The following CAMTA1 variants were observed in gnomAD, a reference collection of about 807,000 sequenced individuals.
The protein encoded by CAMTA1 is calmodulin binding transcription activator 1, also known as calmodulin-binding transcription activator 1.
A neutral mutation model predicts 170.9 loss-of-function variants in CAMTA1; 27 were observed. The ratio of observed to expected loss-of-function variants is 0.16; its 90% confidence interval spans 0.12 to 0.22. The LOEUF is 0.22. CAMTA1 is among the 10% of genes least tolerant of loss of function. The pLI is 1.00. For missense variants in CAMTA1, 1,619 were observed against 2,217.2 expected (o/e 0.73, Z 5.42); for synonymous variants, 833 against 891.5 (o/e 0.93, Z 1.17).
intron 1 of CAMTA1, among the ~76,000 whole-genome samples, chr1:6,810,791 G>A (rs1181831677): frequency 6.6e-6 from 1 of 151,964 alleles, no homozygotes; most frequent in East Asian, 1.9e-4. Flanking sequence ...GTGACAGAGC[G>A]AGACTCCGTT....
At chr1:7,713,626 T>C (rs925780759) in intron 11 of CAMTA1, among the ~76,000 whole-genome samples, 1 of 152,204 alleles carries the variant, frequency 6.6e-6, no homozygotes, top group African/African-American at 2.4e-5. Context: ...TGTTTGCTGA[T>C]CAATAGCTCG....
chr1:7,441,381 A>T (rs1272509530), intron 5 of CAMTA1: 2 of 152,200 alleles, frequency 1.3e-5, no homozygotes, highest in Non-Finnish European at 2.9e-5. Context: ...TGTCTGCTGT[A>T]CGCACCGCCC....
intron 3 of CAMTA1, among the ~76,000 whole-genome samples, chr1:6,842,879 G>A (rs907187611): frequency 2.0e-5 from 3 of 151,686 alleles, no homozygotes; most frequent in East Asian, 1.9e-4. Flanking sequence ...AGCTGAGGTC[G>A]TGCCATTGCA....
At chr1:7,279,203 A>G (rs1671159822) in intron 5 of CAMTA1, among the ~76,000 whole-genome samples, 1 of 152,192 alleles carries the variant, frequency 6.6e-6, no homozygotes, top group African/African-American at 2.4e-5. Flanking sequence ...GGGGCCCATG[A>G]AAGCTTGTAA....
intron 5 of CAMTA1, among the ~76,000 whole-genome samples, chr1:7,398,181 CTCTCTCTCTCTCTATATATATATATATA>C (rs1371001666): frequency 2.9e-3 from 132 of 45,564 alleles, no homozygotes; most frequent in African/African-American, 0.011. Context: ...CTCTCTCTCT[CTCTCTCTCTCTCTATATATATATATATA>C]TATATATATA....
intron 4 of CAMTA1, among the ~76,000 whole-genome samples, chr1:7,123,307 C>A (rs142651567): frequency 3.8e-4 from 58 of 152,266 alleles, no homozygotes; most frequent in African/African-American, 1.4e-3. Context: ...GTCATCTTCC[C>A]TTTGAATGTG....
rs61746009 is a variant in CAMTA1 at position 7,737,293 on chromosome 1, C to G, written c.3381C>G (p.Val1127=). 221 of 1,613,984 alleles carry G rather than the reference C, an allele frequency of 1.4e-4. No individual in the cohort carries two copies. Among genetic ancestry groups the G allele is most frequent in the Non-Finnish European group, 1.8e-4 (207 of 1,180,006 alleles). ...ACALGHLEAA[V]VLYKWDRRAI... ...CCCTAGGGCACTTGGAAGCTGCCGTCGTGCTGTACAAGTGGGACCGTCGGG... is the reference window on the plus strand; with the variant it reads ...CCCTAGGGCACTTGGAAGCTGCCGTGGTGCTGTACAAGTGGGACCGTCGGG... The change falls in exon 15 of 23, where the codon GTC becomes GTG. Residue 1127 remains valine (V), a synonymous_variant. Coordinates refer to ENST00000303635, the MANE Select transcript of CAMTA1 (RefSeq NM_015215.4).
chr1:7,700,577 CTACTCATCATGGTCACA>C (rs1476019889), intron 11 of CAMTA1: 11 of 152,204 alleles, frequency 7.2e-5, no homozygotes, highest in African/African-American at 2.7e-4. Context: ...AGGGAGGGCC[CTACTCATCATGGTCACA>C]CAGGGGCCCC....
At chr1:7,061,919 T>C (rs181309923) in intron 3 of CAMTA1, among the ~76,000 whole-genome samples, 28 of 152,240 alleles carry the variant, frequency 1.8e-4, no homozygotes, top group African/African-American at 6.7e-4. Flanking sequence ...TCCTATTATA[T>C]TAAATTTTAT....
intron 3 of CAMTA1, among the ~76,000 whole-genome samples, chr1:6,938,874 A>G (rs1315433615): frequency 6.6e-6 from 1 of 152,196 alleles, no homozygotes; most frequent in African/African-American, 2.4e-5. Flanking sequence ...TGTGGCCACC[A>G]GAAGATGGAG....
intron 4 of CAMTA1, among the ~76,000 whole-genome samples, chr1:7,221,922 CACACAT>C (rs1184943584): frequency 8.2e-5 from 11 of 134,062 alleles, no homozygotes; most frequent in African/African-American, 3.8e-4. Flanking sequence ...CACACACACA[CACACAT>C]ACACACACAC....
chr1:7,118,954 C>T (rs1195068035), intron 4 of CAMTA1, among the ~76,000 whole-genome samples: 4 of 152,100 alleles, frequency 2.6e-5, no homozygotes, highest in African/African-American at 7.2e-5. Context: ...GAGTAGCGTG[C>T]GGCATGTGTA....
In CAMTA1 at chr1:6,820,102, C is replaced by A. The variant is rs1041541159; in HGVS notation, c.46-79C>A. 46 of 861,074 alleles carry A rather than the reference C, an allele frequency of 5.3e-5. No individual in the cohort carries two copies. In the African/African-American group the frequency reaches 6.5e-4, roughly 12 times the overall value. 53.3% of individuals were successfully genotyped at this position (861,074 alleles called of 1,614,324 possible). On this transcript the variant is annotated intron_variant, in intron 1 of 22. Coordinates refer to ENST00000303635, the MANE Select transcript of CAMTA1 (RefSeq NM_015215.4). ...TCATGATTAGATTCAGGTTTTGCAT[C>A]TTGGCAGGAATATCACAGAAGAGCC...
At chr1:7,199,218 C>G (rs554013586) in intron 4 of CAMTA1, among the ~76,000 whole-genome samples, 22 of 152,322 alleles carry the variant, frequency 1.4e-4, no homozygotes, top group African/African-American at 5.3e-4. Flanking sequence ...AGCCCGCCCC[C>G]ACGCCTCCAC....
chr1:7,439,815 CA>C (rs1309459137), intron 5 of CAMTA1, among the ~76,000 whole-genome samples: 1 of 152,200 alleles, frequency 6.6e-6, no homozygotes, highest in East Asian at 1.9e-4. Context: ...CCCAGCCTCC[CA>C]GGAGGCAAAG....
chr1:6,852,133 A>G (rs1305800380), intron 3 of CAMTA1, among the ~76,000 whole-genome samples: 5 of 152,216 alleles, frequency 3.3e-5, no homozygotes, highest in Admixed American at 2.0e-4. Flanking sequence ...GCAATGAACT[A>G]ATGTTTTAAA....
chr1:7,314,087 A>T (rs750148660), intron 5 of CAMTA1, among the ~76,000 whole-genome samples: 2 of 152,262 alleles, frequency 1.3e-5, no homozygotes, highest in African/African-American at 4.8e-5. Flanking sequence ...GGAGGGATCC[A>T]TTCCTAGGCT....
chr1:7,103,289 C>T (rs1293358540), intron 4 of CAMTA1, among the ~76,000 whole-genome samples: 2 of 145,720 alleles, frequency 1.4e-5, no homozygotes, highest in Admixed American at 6.8e-5. Flanking sequence ...TTCCATTTTA[C>T]GGATGGGAGG....
intron 11 of CAMTA1, among the ~76,000 whole-genome samples, chr1:7,721,856 C>A (rs963976148): frequency 6.6e-6 from 1 of 152,088 alleles, no homozygotes; most frequent in Non-Finnish European, 1.5e-5. Context: ...TCAGGTGATC[C>A]GCCCACCTCA....
Sources: allele counts gnomAD v4.1 joint callset (sites outside exome capture counted in the v4.1 genomes callset), GRCh38; gene constraint gnomAD v4.1.1; transcripts MANE v1.5; gene names NCBI Gene and HGNC (gene_info 2026-07-23, HGNC 2026-07-21).